Variants in SPTLC3 observed in about 807,000 individuals in gnomAD.
SPTLC3 encodes the protein serine palmitoyltransferase long chain base subunit 3, also known as serine palmitoyltransferase 3.
SPTLC3 carries 36 observed loss-of-function variants against 59.3 expected under a neutral mutation model. The ratio of observed to expected loss-of-function variants is 0.61; its 90% confidence interval spans 0.47 to 0.80. The LOEUF (loss-of-function observed/expected upper bound fraction) is 0.80, where lower values mean the gene tolerates loss of function less well. SPTLC3 is among the 30% of genes least tolerant of loss of function. SPTLC3 has a pLI of 0.00. For missense variants in SPTLC3, 625 were observed against 685.1 expected (o/e 0.91, Z 0.98); for synonymous variants, 257 against 240.8 (o/e 1.07, Z -0.62).
At chr20:13,164,263 A>G (rs1021567603) in intron 11 of SPTLC3, 13 of 452,584 alleles carry the variant, frequency 2.9e-5, no homozygotes, top group Admixed American at 2.6e-4. Context: ...GGACACAGAG[A>G]TGAGTATTTA....
intron 1 of SPTLC3, among the ~76,000 whole-genome samples, chr20:13,014,445 G>A (rs1289818043): frequency 6.6e-6 from 1 of 152,148 alleles, no homozygotes; most frequent in African/African-American, 2.4e-5. Flanking sequence ...GCTGTTAGAA[G>A]GATATAAAAT....
At chr20:13,059,499 C>A (rs1042031482) in intron 2 of SPTLC3, among the ~76,000 whole-genome samples, 12 of 152,320 alleles carry the variant, frequency 7.9e-5, no homozygotes, top group Non-Finnish European at 1.6e-4. Flanking sequence ...CCCTTGAAAC[C>A]TCCAGGTGTC....
In SPTLC3 at chr20:13,043,125, G is replaced by A. The variant is rs116092105; in HGVS notation, c.118-5820G>A. 1.3e-3 allele frequency among the ~76,000 whole-genome samples: 199 copies of A among 152,256 alleles called. 1 individual carries two copies. Among genetic ancestry groups the A allele is most frequent in the African/African-American group, 4.6e-3 (191 of 41,558 alleles). The stretch of plus-strand genomic sequence containing the variant: ...CTTATTCTTAAACACCAGTATCCTT[G>A]GAAGTTTGTGTTCTCCCTCAGAGAA... On this transcript the variant is annotated intron_variant, in intron 1 of 11. Coordinates refer to ENST00000399002, the MANE Select transcript of SPTLC3 (RefSeq NM_018327.4).
intron 1 of SPTLC3, among the ~76,000 whole-genome samples, chr20:13,015,740 G>T (rs1411197300): frequency 6.6e-6 from 1 of 152,074 alleles, no homozygotes; most frequent in African/African-American, 2.4e-5. Flanking sequence ...AGTAAATCAT[G>T]TTGCTCACCA....
At chr20:13,055,934 C>G (rs771150552) in intron 2 of SPTLC3, among the ~76,000 whole-genome samples, 1 of 152,054 alleles carries the variant, frequency 6.6e-6, no homozygotes, top group Non-Finnish European at 1.5e-5. Context: ...GTCATCTGAG[C>G]TGAGGGAAGG....
intron 2 of SPTLC3, among the ~76,000 whole-genome samples, chr20:13,060,993 A>G (rs1987950952): frequency 6.6e-6 from 1 of 152,210 alleles, no homozygotes; most frequent in Non-Finnish European, 1.5e-5. Flanking sequence ...TTGCTGGATC[A>G]AATGGTAATT....
chr20:13,126,078 T>C (rs2236124), intron 8 of SPTLC3, among the ~76,000 whole-genome samples: 17,048 of 152,258 alleles, frequency 0.11, 1,076 homozygotes, highest in East Asian at 0.2. Flanking sequence ...TATCTCCTCA[T>C]TGGAACCTTC....
In SPTLC3 at chr20:13,160,019, A is replaced by T. The variant is rs1039392081; in HGVS notation, c.1432A>T (p.Met478Leu). The T allele has an allele frequency of 8.1e-6, 13 of 1,612,168 alleles. No individual in the cohort carries two copies. Among genetic ancestry groups the T allele is most frequent in the Non-Finnish European group, 1.0e-5 (12 of 1,179,504 alleles). ...PGKVAAFARH[M>L]LEKKIGVVVV... ...TTCCTTAAGGGCTTTTGCAAGGCATATGCTAGAGAAAAAAATTGGAGTGGT... is the reference window on the plus strand; with the variant it reads ...TTCCTTAAGGGCTTTTGCAAGGCATTTGCTAGAGAAAAAAATTGGAGTGGT... The change falls in exon 11 of 12, where the codon ATG becomes TTG. Residue 478 changes from methionine (M) to leucine (L), a missense_variant. Coordinates refer to ENST00000399002, the MANE Select transcript of SPTLC3 (RefSeq NM_018327.4).
chr20:13,030,617 A>G (rs1281133246), intron 1 of SPTLC3, among the ~76,000 whole-genome samples: 1 of 151,942 alleles, frequency 6.6e-6, no homozygotes, highest in Non-Finnish European at 1.5e-5. Context: ...TATTTACTGG[A>G]CCCCTGTTAC....
chr20:13,102,811 C>T (rs1989652862), intron 6 of SPTLC3, among the ~76,000 whole-genome samples: 1 of 152,188 alleles, frequency 6.6e-6, no homozygotes, highest in African/African-American at 2.4e-5. Context: ...TGCATTACAT[C>T]AAGCCCAGAG....
At chr20:13,077,079 C>T (rs1428435123) in intron 4 of SPTLC3, among the ~76,000 whole-genome samples, 1 of 152,024 alleles carries the variant, frequency 6.6e-6, no homozygotes, top group Non-Finnish European at 1.5e-5. Flanking sequence ...ACTTTGACTC[C>T]TTTATGGGTC....
At chr20:13,154,250 T>C in intron 10 of SPTLC3, 112 bp downstream of exon 10, 1 of 1,374,648 alleles carries the variant, frequency 7.3e-7, no homozygotes, top group South Asian at 1.4e-5. Flanking sequence ...GAGTTCAGAA[T>C]TCACTCGTAC....
intron 8 of SPTLC3, among the ~76,000 whole-genome samples, chr20:13,117,944 A>C (rs931351228): frequency 3.9e-5 from 6 of 152,208 alleles, no homozygotes; most frequent in African/African-American, 7.2e-5. Flanking sequence ...TGATCACACT[A>C]TAATGAAATG....
chr20:13,104,293 T>C (rs565904021), intron 6 of SPTLC3, among the ~76,000 whole-genome samples: 1 of 152,290 alleles, frequency 6.6e-6, no homozygotes, highest in South Asian at 2.1e-4. Flanking sequence ...TTCCCATGTG[T>C]TGTGAGAGGG....
chr20:13,031,622 T>G (rs1986457436), intron 1 of SPTLC3, among the ~76,000 whole-genome samples: 3 of 152,172 alleles, frequency 2.0e-5, no homozygotes, highest in African/African-American at 7.2e-5. Context: ...TGCACATGGT[T>G]TCTCTCCACT....
intron 11 of SPTLC3, among the ~76,000 whole-genome samples, 190 bp downstream of exon 11, chr20:13,160,322 G>T (rs574297058): frequency 6.6e-6 from 1 of 152,358 alleles, no homozygotes; most frequent in South Asian, 2.1e-4. Flanking sequence ...TCAGTAGATA[G>T]AAATGAAAAT....
chr20:13,154,975 G>A (rs1048582911), intron 10 of SPTLC3, among the ~76,000 whole-genome samples: 14 of 152,224 alleles, frequency 9.2e-5, no homozygotes, highest in Non-Finnish European at 1.8e-4. Flanking sequence ...GAGGTCAGGA[G>A]TTCGAGACCA....
chr20:13,145,451 A>G (rs1413933984), intron 9 of SPTLC3, among the ~76,000 whole-genome samples: 10 of 152,212 alleles, frequency 6.6e-5, no homozygotes, highest in Admixed American at 4.6e-4. Context: ...GATCTCTACA[A>G]TGAAAATTAC....
chr20:13,017,458 C>G (rs1985589644), intron 1 of SPTLC3, among the ~76,000 whole-genome samples: 1 of 152,144 alleles, frequency 6.6e-6, no homozygotes, highest in African/African-American at 2.4e-5. Context: ...TGAATAGAAA[C>G]TTCACTTAGT....
Sources: allele counts gnomAD v4.1 joint callset (sites outside exome capture counted in the v4.1 genomes callset), GRCh38; gene constraint gnomAD v4.1.1; transcripts MANE v1.5; gene names NCBI Gene and HGNC (gene_info 2026-07-23, HGNC 2026-07-21).